DOCK10: variants seen among roughly 807,000 people sequenced by gnomAD.
DOCK10 encodes dedicator of cytokinesis 10.
In DOCK10, 145 loss-of-function variants were observed where a neutral mutation model predicts 280.1. The ratio of observed to expected loss-of-function variants is 0.52; its 90% CI spans 0.45 to 0.59. DOCK10 has a LOEUF of 0.59. Among genes scored for constraint, DOCK10 ranks in the 20% least tolerant of loss-of-function variants. DOCK10 has a pLI of 0.00. For synonymous variants in DOCK10, 915 were observed against 942.2 expected (o/e 0.97, Z 0.53); for missense variants, 2,368 against 2,651.7 (o/e 0.89, Z 2.35).
chr2:224,858,523 G>T (rs1333439580), intron 14 of DOCK10, among the ~76,000 whole-genome samples: 1 of 152,174 alleles, frequency 6.6e-6, no homozygotes, highest in African/African-American at 2.4e-5. Context: ...CGGGCATGGT[G>T]GCATGCACCT....
intron 45 of DOCK10, among the ~76,000 whole-genome samples, chr2:224,794,264 C>CAT (rs2125124485): frequency 6.6e-6 from 1 of 152,316 alleles, no homozygotes; most frequent in African/African-American, 2.4e-5. Flanking sequence ...CCCAAAGGGA[C>CAT]ATAGTTCCAG....
chr2:225,037,812 T>C (rs1020424529), intron 1 of DOCK10, among the ~76,000 whole-genome samples: 50 of 152,232 alleles, frequency 3.3e-4, no homozygotes, highest in African/African-American at 1.2e-3. Context: ...TGTTGACTCA[T>C]TCTTTCAGCC....
intron 1 of DOCK10, among the ~76,000 whole-genome samples, chr2:225,039,755 A>G (rs1690366268): frequency 6.6e-6 from 1 of 152,124 alleles, no homozygotes; most frequent in East Asian, 1.9e-4. Context: ...TATCTTGTTA[A>G]CCTGACAACC....
rs570690211 is a variant in DOCK10, at chr2:224,885,906, A to G, written c.613-101T>C. 3 of 1,516,490 alleles carry G rather than the reference A, an allele frequency of 2.0e-6. No individual in the cohort carries two copies. In the African/African-American group the frequency reaches 4.2e-5, roughly 21 times the overall value. The allele number at this position is 1,516,490 out of a possible 1,614,324, so 93.9% of individuals were successfully genotyped here. A position where few individuals can be genotyped will look rare whatever the true frequency, so the allele number is the denominator to read the frequency against. ...ATTCCTTCAGGAGTGCTATATTTCTAGGACATTTTTCTAGAGAAGAGCATC... is the reference window on the plus strand; with the variant it reads ...ATTCCTTCAGGAGTGCTATATTTCTGGGACATTTTTCTAGAGAAGAGCATC... On this transcript the variant is annotated intron_variant, in intron 6 of 55. Coordinates refer to ENST00000258390, the MANE Select transcript of DOCK10 (RefSeq NM_014689.3).
intron 1 of DOCK10, among the ~76,000 whole-genome samples, chr2:224,974,854 G>GTA (rs1327044648): frequency 1.3e-5 from 1 of 74,694 alleles, no homozygotes; most frequent in Non-Finnish European, 4.2e-5. Context: ...ATACACACAC[G>GTA]TATATATGAG....
chr2:224,810,567 T>C (rs1693695919), intron 31 of DOCK10, among the ~76,000 whole-genome samples: 1 of 151,906 alleles, frequency 6.6e-6, no homozygotes, highest in South Asian at 2.1e-4. Flanking sequence ...ATGTGCCATG[T>C]TGGTGTGCTG....
At chr2:224,832,524 G>C (rs947292339) in intron 26 of DOCK10, among the ~76,000 whole-genome samples, 2 of 152,204 alleles carry the variant, frequency 1.3e-5, no homozygotes, top group Non-Finnish European at 2.9e-5. Flanking sequence ...AGAAGGGATT[G>C]ATATTCTACA....
intron 1 of DOCK10, among the ~76,000 whole-genome samples, chr2:225,032,640 G>A (rs933131950): frequency 1.3e-5 from 2 of 152,098 alleles, no homozygotes; most frequent in Admixed American, 1.3e-4. Flanking sequence ...CAAAAAAGTT[G>A]AGTTCTAACA....
intron 51 of DOCK10, among the ~76,000 whole-genome samples, chr2:224,775,808 G>A (rs139086996): frequency 6.6e-6 from 1 of 152,274 alleles, no homozygotes; most frequent in East Asian, 1.9e-4. Flanking sequence ...TAATTCAAAT[G>A]AAAACTTTTA....
chr2:224,983,627 C>T (rs931228998), intron 1 of DOCK10: 2 of 359,126 alleles, frequency 5.6e-6, no homozygotes, highest in East Asian at 7.4e-5. Flanking sequence ...AGGTTGCTTT[C>T]GCGGAAGCAT....
In DOCK10 at chr2:224,856,854, A is replaced by C. The variant is rs1347950550; in HGVS notation, c.1808+6T>G. The C allele has an allele frequency of 1.6e-5, 25 of 1,598,572 alleles. No individual in the cohort carries two copies. In the Admixed American group the frequency reaches 3.5e-4, roughly 22 times the overall value. The stretch of plus-strand genomic sequence containing the variant: ...TGTTAATTTCGAGAGTATAAAAAAA[A>C]CATACCTTCTATAATCTGATACTAG... On this transcript the variant is annotated splice_donor_region_variant and intron_variant, in intron 15 of 55. Transcript: ENST00000258390.
intron 5 of DOCK10, 95 bp downstream of exon 5, chr2:224,886,364 T>A: frequency 6.8e-7 from 1 of 1,472,898 alleles, no homozygotes; most frequent in Non-Finnish European, 9.4e-7. Context: ...CTACTACAGC[T>A]TACAACAAAC....
intron 1 of DOCK10, among the ~76,000 whole-genome samples, chr2:224,933,833 G>C (rs543148340): frequency 6.6e-6 from 1 of 152,180 alleles, no homozygotes; most frequent in Non-Finnish European, 1.5e-5. Context: ...ACATATGGAT[G>C]TTTTGAGAGG....
chr2:224,850,746 A>G (rs1364646118), intron 18 of DOCK10, among the ~76,000 whole-genome samples: 1 of 152,090 alleles, frequency 6.6e-6, no homozygotes, highest in East Asian at 1.9e-4. Context: ...TTCTCAAGCA[A>G]TCTGATAGTT....
intron 1 of DOCK10, among the ~76,000 whole-genome samples, chr2:225,000,887 G>A (rs1706413389): frequency 1.3e-5 from 2 of 152,142 alleles, no homozygotes; most frequent in South Asian, 4.1e-4. Context: ...GAGGCAGGAG[G>A]ATCGCTTGAA....
chr2:224,995,517 A>C (rs1256480964), intron 1 of DOCK10, among the ~76,000 whole-genome samples: 1 of 152,182 alleles, frequency 6.6e-6, no homozygotes, highest in East Asian at 1.9e-4. Flanking sequence ...GGTCTTGAAA[A>C]ATTTGGATAT....
rs190704986 is a variant in DOCK10, at chr2:224,793,464, T to C, written c.5155-7A>G. On this transcript the variant is annotated splice_region_variant and splice_polypyrimidine_tract_variant and intron_variant, in intron 45 of 55. Transcript: ENST00000258390. ...GGATGTAACACATGGCAGCCTGTAA[T>C]GAGAAAGAAAATAAAGAGGCTCAGG... 2.7e-5 allele frequency: 44 copies of C among 1,612,162 alleles called. No homozygotes were observed. Among genetic ancestry groups the C allele is most frequent in the Admixed American group, 2.2e-4 (13 of 59,858 alleles).
chr2:224,834,480 CTT>C (rs1337017823), intron 25 of DOCK10, among the ~76,000 whole-genome samples: 1 of 152,152 alleles, frequency 6.6e-6, no homozygotes, highest in Non-Finnish European at 1.5e-5. Flanking sequence ...CCTTGAAACT[CTT>C]TGTAGAAATC....
chr2:224,814,401 A>C (rs977623610), intron 30 of DOCK10, 37 bp from the exon 31 acceptor site: 2 of 1,174,822 alleles, frequency 1.7e-6, no homozygotes, highest in South Asian at 3.0e-5. Context: ...AGATATATAC[A>C]TATACATACT....
Sources: gnomAD v4.1 joint callset for allele counts (sites outside exome capture counted in the v4.1 genomes callset) on GRCh38, gnomAD v4.1.1 for gene constraint, MANE v1.5 for transcripts, NCBI Gene and HGNC (gene_info 2026-07-23, HGNC 2026-07-21) for gene names.